Variants in TTLL5 observed in about 807,000 individuals in gnomAD.
TTLL5 encodes tubulin tyrosine ligase like 5.
In TTLL5, 132 loss-of-function variants were observed where a neutral mutation model predicts 168.4. That is an observed-to-expected ratio of 0.78 (90% CI 0.68 to 0.91). TTLL5 has a LOEUF of 0.91. Ranked by LOEUF, TTLL5 falls within the 40% of genes least tolerant of loss-of-function variation. The pLI is 0.00. For synonymous variants in TTLL5, 546 were observed against 558.6 expected, an observed-to-expected ratio of 0.98 and a Z score of 0.32; for missense variants, 1,545 against 1,581.5, an observed-to-expected ratio of 0.98 and a Z score of 0.39.
chr14:75,913,201 T>C (rs528870313), intron 31 of TTLL5, among the ~76,000 whole-genome samples: 1 of 152,346 alleles, frequency 6.6e-6, no homozygotes, highest in South Asian at 2.1e-4. Context: ...CGCTCTATCA[T>C]GTGGCATGTT....
intron 27 of TTLL5, chr14:75,814,510 T>C (rs1227385959): frequency 2.0e-4 from 31 of 152,166 alleles, no homozygotes; most frequent in Admixed American, 2.0e-3. Flanking sequence ...AATTGGCTTG[T>C]AGGGTTTATT....
intron 17 of TTLL5, among the ~76,000 whole-genome samples, chr14:75,746,107 A>G (rs1040911375): frequency 6.6e-6 from 1 of 152,186 alleles, no homozygotes; most frequent in Admixed American, 6.5e-5. Flanking sequence ...TTCAGACATT[A>G]TGACCTGCCT....
chr14:75,954,538 A>ATTT lies in TTLL5; in HGVS notation c.*101_*103dup. The ATTT allele has an allele frequency of 8.4e-7, 1 of 1,191,468 alleles. No individual in the cohort carries two copies. Among genetic ancestry groups the ATTT allele is most frequent in the Non-Finnish European group, 1.2e-6 (1 of 865,182 alleles). 73.8% of individuals were successfully genotyped at this position (1,191,468 alleles called of 1,614,324 possible). ...ACCAGCACTTCAAGGGGTCCATAGT[A>ATTT]TTTTTTTTTTTGCTGCCTCAAAGTC... is the stretch of plus-strand genomic sequence containing the variant. On this transcript the variant is annotated 3_prime_UTR_variant, in exon 32 of 32. Transcript: ENST00000298832.
chr14:75,672,125 C>G (rs1883796201), intron 3 of TTLL5, among the ~76,000 whole-genome samples: 1 of 152,164 alleles, frequency 6.6e-6, no homozygotes, highest in Non-Finnish European at 1.5e-5. Flanking sequence ...TGATATTTCC[C>G]CCTTCAGCCT....
intron 27 of TTLL5, among the ~76,000 whole-genome samples, chr14:75,817,830 CTTTTTT>C (rs1045988787): frequency 2.4e-5 from 2 of 83,860 alleles, no homozygotes; most frequent in African/African-American, 1.0e-4. Flanking sequence ...CTTTTCTTTT[CTTTTTT>C]TTTTTTTTTT....
intron 18 of TTLL5, among the ~76,000 whole-genome samples, chr14:75,764,242 C>T (rs1890827881): frequency 6.6e-6 from 1 of 152,102 alleles, no homozygotes; most frequent in African/African-American, 2.4e-5. Flanking sequence ...ATGAAACAAA[C>T]ACCATTTGCC....
intron 6 of TTLL5, among the ~76,000 whole-genome samples, chr14:75,696,459 T>C (rs1051657002): frequency 3.3e-4 from 51 of 152,338 alleles, no homozygotes; most frequent in African/African-American, 1.2e-3. Flanking sequence ...GCTCAGGCAT[T>C]CTGTTCAGTC....
Position 75,807,989 on chromosome 14 carries a change from A to G in TTLL5, c.3172-12018A>G, listed in dbSNP as rs539481241. Among the ~76,000 whole-genome samples, 107 of 152,330 alleles carry G rather than the reference A, an allele frequency of 7.0e-4. 1 individual carries two copies. Among genetic ancestry groups the G allele is most frequent in the Middle Eastern group, 6.8e-3 (2 of 294 alleles). ...ACTCCTCATCAGATTATTTTATAGTATAGTCAACTGATTCTTCGACCAGAC... is the reference window on the plus strand; with the variant it reads ...ACTCCTCATCAGATTATTTTATAGTGTAGTCAACTGATTCTTCGACCAGAC... On this transcript the variant is annotated intron_variant, in intron 27 of 31. Transcript: ENST00000298832.
chr14:75,717,870 T>C lies in TTLL5; in HGVS notation c.750T>C (p.Thr250=). The change falls in exon 10 of 32, where the codon ACT becomes ACC. Residue 250 remains threonine (T), a synonymous_variant. Coordinates refer to ENST00000298832, the MANE Select transcript of TTLL5 (RefSeq NM_015072.5). ...LYEEGLARFA[T]VRYDQGAKNI... ...GTTTCCCTTCTATCAGGTTTGCAAC[T>C]GTGCGATATGATCAAGGAGCCAAGA... The C allele has an allele frequency of 6.2e-7, 1 of 1,613,784 alleles. No individual in the cohort carries two copies. The highest frequency in any genetic ancestry group is 8.5e-7 in the Non-Finnish European group (1 of 1,179,860).
chr14:75,807,325 G>A (rs543444478), intron 27 of TTLL5, among the ~76,000 whole-genome samples: 2 of 152,238 alleles, frequency 1.3e-5, no homozygotes, highest in African/African-American at 2.4e-5. Flanking sequence ...GCACGTGCCT[G>A]TAGTCCCAGC....
At chr14:75,927,915 C>G (rs1480734708) in intron 31 of TTLL5, among the ~76,000 whole-genome samples, 1 of 152,122 alleles carries the variant, frequency 6.6e-6, no homozygotes, top group Non-Finnish European at 1.5e-5. Flanking sequence ...TGCTTCTCTC[C>G]CATTGTTAAT....
intron 24 of TTLL5, among the ~76,000 whole-genome samples, chr14:75,779,978 T>G (rs765267447): frequency 6.6e-6 from 1 of 152,216 alleles, no homozygotes; most frequent in Non-Finnish European, 1.5e-5. Context: ...CTTATCTTTC[T>G]GTCTGCTGGA....
At chr14:75,901,642 A>G (rs2140087115) in intron 30 of TTLL5, among the ~76,000 whole-genome samples, 1 of 152,348 alleles carries the variant, frequency 6.6e-6, no homozygotes, top group East Asian at 1.9e-4. Context: ...TGATAACCAC[A>G]GATGTTTTGA....
intron 28 of TTLL5, among the ~76,000 whole-genome samples, chr14:75,862,798 T>C (rs1286771133): frequency 6.6e-6 from 1 of 151,744 alleles, no homozygotes; most frequent in Non-Finnish European, 1.5e-5. Flanking sequence ...ATATAAAAAT[T>C]AGCCAGGCAT....
intron 30 of TTLL5, among the ~76,000 whole-genome samples, chr14:75,898,685 C>T (rs2032784721): frequency 6.6e-6 from 1 of 152,130 alleles, no homozygotes. Flanking sequence ...AACATGATCC[C>T]ATAATACAAG....
At chr14:75,814,256 G>T (rs1196925369) in intron 27 of TTLL5, among the ~76,000 whole-genome samples, 1 of 152,202 alleles carries the variant, frequency 6.6e-6, no homozygotes, top group Non-Finnish European at 1.5e-5. Context: ...TGTGAGTGGT[G>T]CTGTCTCTTC....
chr14:75,851,138 C>A (rs1340108111), intron 28 of TTLL5, among the ~76,000 whole-genome samples: 5 of 149,960 alleles, frequency 3.3e-5, no homozygotes, highest in Admixed American at 2.7e-4. Flanking sequence ...TAAGAACTGC[C>A]AAAAGCACAT....
chr14:75,870,583 G>A (rs557370131), intron 29 of TTLL5, among the ~76,000 whole-genome samples: 1 of 152,246 alleles, frequency 6.6e-6, no homozygotes, highest in East Asian at 1.9e-4. Context: ...AGGAGCACTT[G>A]TATGGGTTGT....
At position 75,781,957 on chromosome 14, in the gene TTLL5, C is replaced by CAA. The variant is rs11350842; in HGVS notation, c.2516-508_2516-507dup. Reference sequence around the variant, plus strand: ...GCAGCAACAAGAGTGAAACTTTGTTCAAAAAAAAAAAAAAAAAAAAAAAGC... The same window carrying CAA: ...GCAGCAACAAGAGTGAAACTTTGTTCAAAAAAAAAAAAAAAAAAAAAAAAAGC... On this transcript the variant is annotated intron_variant, in intron 24 of 31. Coordinates refer to ENST00000298832, the MANE Select transcript of TTLL5 (RefSeq NM_015072.5). Among the ~76,000 whole-genome samples, 109 of 69,404 alleles carry CAA rather than the reference C, an allele frequency of 1.6e-3. 1 individual carries two copies. The highest frequency in any genetic ancestry group is 4.2e-3 in the African/African-American group (80 of 19,178). 45.5% of individuals were successfully genotyped at this position (69,404 alleles called of 152,430 possible). A position where few individuals can be genotyped will look rare whatever the true frequency, so the allele number is the denominator to read the frequency against.
Sources: gnomAD v4.1 joint callset for allele counts (sites outside exome capture counted in the v4.1 genomes callset) on GRCh38, gnomAD v4.1.1 for gene constraint, MANE v1.5 for transcripts, NCBI Gene and HGNC (gene_info 2026-07-23, HGNC 2026-07-21) for gene names.